Variants in PLXDC2 observed in about 807,000 individuals in gnomAD.
The protein encoded by PLXDC2 is plexin domain containing 2.
A neutral mutation model predicts 68.9 loss-of-function variants in PLXDC2; 40 were observed. The observed-to-expected ratio is 0.58, with a 90% CI of 0.45 to 0.76. The LOEUF is 0.76. Among genes scored for constraint, PLXDC2 ranks in the 30% least tolerant of loss-of-function variants. The pLI is 0.00. For missense variants in PLXDC2, 644 were observed against 661.9 expected, an observed-to-expected ratio of 0.97 and a Z score of 0.30; for synonymous variants, 243 against 234.2, an observed-to-expected ratio of 1.04 and a Z score of -0.34.
At chr10:19,953,961 C>T (rs1361014799) in intron 1 of PLXDC2, among the ~76,000 whole-genome samples, 4 of 151,808 alleles carry the variant, frequency 2.6e-5, no homozygotes, top group South Asian at 2.1e-4. Context: ...GAAGTGTGGG[C>T]GGGGTGATAA....
chr10:20,238,291 A>G (rs866060284), intron 12 of PLXDC2, among the ~76,000 whole-genome samples: 8 of 151,220 alleles, frequency 5.3e-5, no homozygotes, highest in Admixed American at 4.6e-4. Flanking sequence ...GACTTCTCCA[A>G]ATTAAACACA....
At chr10:20,250,206 T>C (rs1835656568) in intron 13 of PLXDC2, among the ~76,000 whole-genome samples, 1 of 149,114 alleles carries the variant, frequency 6.7e-6, no homozygotes, top group Non-Finnish European at 1.5e-5. Context: ...AGGTGGAGGT[T>C]GTAGTGAGCC....
intron 4 of PLXDC2, among the ~76,000 whole-genome samples, chr10:20,131,060 A>G (rs537597910): frequency 1.3e-5 from 2 of 152,164 alleles, no homozygotes; most frequent in Admixed American, 6.5e-5. Context: ...TTGGTGTTAA[A>G]TATCCTTTAA....
intron 4 of PLXDC2, among the ~76,000 whole-genome samples, chr10:20,129,438 A>T (rs1833834890): frequency 6.6e-6 from 1 of 151,642 alleles, no homozygotes; most frequent in Non-Finnish European, 1.5e-5. Context: ...GACTCTGTTG[A>T]TCGTTTTCTT....
intron 2 of PLXDC2, among the ~76,000 whole-genome samples, chr10:20,039,755 A>G (rs1835646067): frequency 6.6e-6 from 1 of 152,224 alleles, no homozygotes; most frequent in Non-Finnish European, 1.5e-5. Flanking sequence ...AAAAAAATTC[A>G]AATAATACAG....
At chr10:19,876,748 T>C (rs1000937499) in intron 1 of PLXDC2, among the ~76,000 whole-genome samples, 1 of 152,154 alleles carries the variant, frequency 6.6e-6, no homozygotes, top group Non-Finnish European at 1.5e-5. Context: ...AATTTCACAG[T>C]GTTTCATAGA....
In PLXDC2 at chr10:20,281,255, A is replaced by C. The variant is rs1428050625; in HGVS notation, c.*1436A>C. The C allele has an allele frequency of 1.3e-5, 2 of 152,140 alleles. No homozygotes were observed. Among genetic ancestry groups the C allele is most frequent in the East Asian group, 3.9e-4 (2 of 5,194 alleles). The allele number at this position is 152,140 out of a possible 1,614,324, so 9.4% of individuals were successfully genotyped here. Reference sequence around the variant, plus strand: ...TGATTTTGAAAATTCCTCATGAATGAAGAAAGGAATGGCATCCCTTGAGAA... The same window carrying C: ...TGATTTTGAAAATTCCTCATGAATGCAGAAAGGAATGGCATCCCTTGAGAA... On this transcript the variant is annotated 3_prime_UTR_variant, in exon 14 of 14. Coordinates refer to ENST00000377252, the MANE Select transcript of PLXDC2 (RefSeq NM_032812.9).
chr10:20,072,094 C>T (rs1205754539), intron 4 of PLXDC2, among the ~76,000 whole-genome samples: 1 of 152,064 alleles, frequency 6.6e-6, no homozygotes, highest in African/African-American at 2.4e-5. Context: ...TGCCTGTAAT[C>T]TCAGCACTTT....
intron 9 of PLXDC2, among the ~76,000 whole-genome samples, chr10:20,179,448 G>A (rs867190847): frequency 2.0e-5 from 3 of 152,006 alleles, no homozygotes; most frequent in South Asian, 4.1e-4. Context: ...GCTAAAATTT[G>A]TCTAGCACAA....
intron 9 of PLXDC2, among the ~76,000 whole-genome samples, chr10:20,182,950 G>A (rs1357891572): frequency 1.3e-5 from 2 of 151,846 alleles, no homozygotes; most frequent in Non-Finnish European, 1.5e-5. Context: ...TGAGGTGTTT[G>A]GTTTTCTGAA....
At chr10:20,165,492 T>C (rs951474366) in intron 7 of PLXDC2, among the ~76,000 whole-genome samples, 5 of 151,764 alleles carry the variant, frequency 3.3e-5, no homozygotes, top group African/African-American at 9.7e-5. Flanking sequence ...TGTGATCTCA[T>C]TGTTCAATTC....
In PLXDC2 at chr10:19,948,021, A is replaced by T. The variant is rs1019966491; in HGVS notation, c.113-53754A>T. 1.1e-4 allele frequency among the ~76,000 whole-genome samples: 16 copies of T among 152,344 alleles called. No homozygotes were observed. In the South Asian group the frequency reaches 3.3e-3, roughly 32 times the overall value. ...CTCACTTTAATAACTAAATGGCATC[A>T]TGTACAGTGAGTAAGCACTTTAGAA... is the stretch of plus-strand genomic sequence containing the variant. On this transcript the variant is annotated intron_variant, in intron 1 of 13. Transcript: ENST00000377252.
intron 1 of PLXDC2, among the ~76,000 whole-genome samples, chr10:19,987,670 T>A (rs1045498416): frequency 2.0e-5 from 3 of 151,910 alleles, no homozygotes; most frequent in Non-Finnish European, 4.4e-5. Flanking sequence ...CACGCCATTC[T>A]CCTGCCTCAG....
rs1490580997 is a variant in PLXDC2 at position 20,280,697 on chromosome 10, T to C, written c.*878T>C. 6.6e-6 allele frequency: 1 copy of C among 152,080 alleles called. No homozygotes were observed. The highest frequency in any genetic ancestry group is 6.6e-5 in the Admixed American group (1 of 15,250). 9.4% of individuals were successfully genotyped at this position (152,080 alleles called of 1,614,324 possible). A position where few individuals can be genotyped will look rare whatever the true frequency, so the allele number is the denominator to read the frequency against. On this transcript the variant is annotated 3_prime_UTR_variant, in exon 14 of 14. Transcript: ENST00000377252. ...CTGATGGAAACAAAAGGAAACAGTA[T>C]GAAGAGTTCCTTAATCATTTTTGAA...
Position 20,206,849 on chromosome 10 carries a change from A to AACAC in PLXDC2, c.1062-4798_1062-4795dup, listed in dbSNP as rs375925753. On this transcript the variant is annotated intron_variant, in intron 9 of 13. Coordinates refer to ENST00000377252, the MANE Select transcript of PLXDC2 (RefSeq NM_032812.9). ...TATGGTTAATGTCATTGTGCTTTGAAACACACACACACACACACACACACA... is the reference window on the plus strand; with the variant it reads ...TATGGTTAATGTCATTGTGCTTTGAAACACACACACACACACACACACACACACA... Among the ~76,000 whole-genome samples the AACAC allele has an allele frequency of 3.6e-3, 533 of 149,482 alleles. 4 individuals are homozygous for AACAC. Among genetic ancestry groups the AACAC allele is most frequent in the Middle Eastern group, 6.9e-3 (2 of 288 alleles).
chr10:20,189,556 C>CACACACACACACAT (rs369119157), intron 9 of PLXDC2, among the ~76,000 whole-genome samples: 1 of 124,758 alleles, frequency 8.0e-6, no homozygotes, highest in East Asian at 2.2e-4. Flanking sequence ...CACACACACA[C>CACACACACACACAT]ATATATATAT....
At chr10:20,212,162 T>A (rs1835078218) in intron 10 of PLXDC2, among the ~76,000 whole-genome samples, 1 of 151,894 alleles carries the variant, frequency 6.6e-6, no homozygotes, top group Non-Finnish European at 1.5e-5. Flanking sequence ...AGGGCCAGGA[T>A]TGGAATCTGT....
chr10:20,148,348 G>A (rs2131798303), intron 6 of PLXDC2, among the ~76,000 whole-genome samples: 1 of 151,482 alleles, frequency 6.6e-6, no homozygotes, highest in Non-Finnish European at 1.5e-5. Context: ...AAACTTATGT[G>A]GCTCAAGGAC....
intron 1 of PLXDC2, among the ~76,000 whole-genome samples, chr10:19,960,238 C>T (rs1241364528): frequency 1.3e-5 from 2 of 149,550 alleles, no homozygotes; most frequent in Non-Finnish European, 3.0e-5. Flanking sequence ...GTAGTGCACA[C>T]GTGTATTCCC....
Sources: gnomAD v4.1 joint callset for allele counts (sites outside exome capture counted in the v4.1 genomes callset) on GRCh38, gnomAD v4.1.1 for gene constraint, MANE v1.5 for transcripts, NCBI Gene and HGNC (gene_info 2026-07-23, HGNC 2026-07-21) for gene names.